The following SMYD3 variants were observed in gnomAD, a reference collection of about 807,000 sequenced individuals.
The protein encoded by SMYD3 is SET and MYND domain containing 3.
SMYD3 carries 36 observed loss-of-function variants against 57.7 expected under a neutral mutation model. The observed-to-expected ratio is 0.62, with a 90% CI of 0.48 to 0.82. The LOEUF (loss-of-function observed/expected upper bound fraction) is 0.82. SMYD3 is among the 40% of genes least tolerant of loss of function. The pLI is 0.00. For synonymous variants in SMYD3, 211 were observed against 195.0 expected, an observed-to-expected ratio of 1.08 and a Z score of -0.68; for missense variants, 515 against 538.8, an observed-to-expected ratio of 0.96 and a Z score of 0.44.
chr1:246,016,227 C>T (rs1211893084), intron 5 of SMYD3, among the ~76,000 whole-genome samples: 6 of 147,594 alleles, frequency 4.1e-5, no homozygotes, highest in South Asian at 2.2e-4. Flanking sequence ...CACAGTGAAA[C>T]CCCATCACTT....
At chr1:246,419,750 G>A (rs1219252615) in intron 1 of SMYD3, among the ~76,000 whole-genome samples, 1 of 152,208 alleles carries the variant, frequency 6.6e-6, no homozygotes, top group East Asian at 1.9e-4. Flanking sequence ...TAAGTTGCAT[G>A]CTCCTTATGA....
At chr1:246,366,756 C>T (rs2066109508) in intron 1 of SMYD3, among the ~76,000 whole-genome samples, 1 of 151,606 alleles carries the variant, frequency 6.6e-6, no homozygotes, top group Non-Finnish European at 1.5e-5. Flanking sequence ...CATGGTGAAA[C>T]CCTGTCTCTA....
chr1:245,980,109 C>T (rs1168021519), intron 5 of SMYD3, among the ~76,000 whole-genome samples: 1 of 152,216 alleles, frequency 6.6e-6, no homozygotes, highest in Non-Finnish European at 1.5e-5. Flanking sequence ...GCAGGGCACA[C>T]TGGGAAGCCT....
chr1:246,363,552 G>A (rs1394800462), intron 1 of SMYD3, among the ~76,000 whole-genome samples: 1 of 152,214 alleles, frequency 6.6e-6, no homozygotes, highest in Non-Finnish European at 1.5e-5. Context: ...AGACATGGGA[G>A]ACTTTTCATT....
At chr1:246,501,920 C>T (rs1227388995) in intron 1 of SMYD3, among the ~76,000 whole-genome samples, 1 of 152,186 alleles carries the variant, frequency 6.6e-6, no homozygotes, top group Non-Finnish European at 1.5e-5. Context: ...TTAGCAACCA[C>T]TTCCCTAGCG....
chr1:246,140,523 G>C (rs1465066063), intron 5 of SMYD3, among the ~76,000 whole-genome samples: 2 of 152,196 alleles, frequency 1.3e-5, no homozygotes, highest in African/African-American at 4.8e-5. Context: ...TGAAGGAACT[G>C]CTCCGTGGTG....
At chr1:246,092,581 C>T (rs192712025) in intron 5 of SMYD3, among the ~76,000 whole-genome samples, 1 of 152,054 alleles carries the variant, frequency 6.6e-6, no homozygotes, top group Admixed American at 6.6e-5. Context: ...GCAAGTAGAC[C>T]CCACCTCTCA....
At chr1:246,097,780 G>A (rs1411095468) in intron 5 of SMYD3, among the ~76,000 whole-genome samples, 1 of 152,120 alleles carries the variant, frequency 6.6e-6, no homozygotes, top group African/African-American at 2.4e-5. Context: ...CGGGGCCCTA[G>A]ACCTAAATCA....
intron 5 of SMYD3, among the ~76,000 whole-genome samples, chr1:245,980,643 G>A (rs142655137): frequency 1.6e-3 from 243 of 152,312 alleles, no homozygotes; most frequent in Middle Eastern, 3.4e-3. Flanking sequence ...AACCAAGGTG[G>A]AAAAAATAAT....
intron 1 of SMYD3, 65 bp downstream of exon 1, chr1:246,506,989 G>T (rs903983421): frequency 3.1e-6 from 2 of 650,598 alleles, no homozygotes; most frequent in Non-Finnish European, 4.2e-6. Context: ...GCCGCCCGAC[G>T]CCCCCCCCTC....
chr1:246,506,991 C>CCCCCCCCCCCCCCCCCCCCCCCA, intron 1 of SMYD3, 63 bp downstream of exon 1: 2 of 815,394 alleles, frequency 2.5e-6, no homozygotes, highest in Non-Finnish European at 3.3e-6. Flanking sequence ...CGCCCGACGC[C>CCCCCCCCCCCCCCCCCCCCCCCA]CCCCCCTCCC....
chr1:246,308,498 G>A (rs2065024180), intron 5 of SMYD3, among the ~76,000 whole-genome samples: 1 of 152,034 alleles, frequency 6.6e-6, no homozygotes, highest in African/African-American at 2.4e-5. Context: ...ATATCACAGT[G>A]ATATAGAGAA....
intron 10 of SMYD3, among the ~76,000 whole-genome samples, chr1:245,846,917 A>G (rs2148439103): frequency 6.6e-6 from 1 of 152,308 alleles, no homozygotes; most frequent in East Asian, 1.9e-4. Flanking sequence ...GGGCAGTGTT[A>G]TTATGATTGG....
intron 2 of SMYD3, among the ~76,000 whole-genome samples, chr1:246,353,994 TTG>T (rs2065872947): frequency 6.6e-6 from 1 of 152,112 alleles, no homozygotes; most frequent in Non-Finnish European, 1.5e-5. Flanking sequence ...AGACCACTTT[TTG>T]TGTCGTCTCA....
chr1:246,216,318 A>C (rs2063163646), intron 5 of SMYD3, among the ~76,000 whole-genome samples: 1 of 151,620 alleles, frequency 6.6e-6, no homozygotes, highest in Non-Finnish European at 1.5e-5. Flanking sequence ...AGCAGACTTC[A>C]GGAAAATGCC....
intron 1 of SMYD3, among the ~76,000 whole-genome samples, chr1:246,419,672 C>T: frequency 6.6e-6 from 1 of 152,218 alleles, no homozygotes; most frequent in Non-Finnish European, 1.5e-5. Flanking sequence ...TCCCGTATCA[C>T]AGTCAGTGGT....
chr1:246,003,097 G>C (rs1412404103), intron 5 of SMYD3, among the ~76,000 whole-genome samples: 1 of 152,232 alleles, frequency 6.6e-6, no homozygotes, highest in East Asian at 1.9e-4. Context: ...GCAGGGAAGA[G>C]ATATGATGGA....
chr1:245,984,975 T>A (rs890800165), intron 5 of SMYD3, among the ~76,000 whole-genome samples: 2 of 152,106 alleles, frequency 1.3e-5, no homozygotes, highest in African/African-American at 4.8e-5. Context: ...CGACCCCACA[T>A]GAACTTAACA....
intron 5 of SMYD3, chr1:246,109,706 C>G (rs575652581): frequency 6.6e-6 from 1 of 152,302 alleles, no homozygotes; most frequent in South Asian, 2.1e-4. Flanking sequence ...TCAATTATTA[C>G]CAAACTACTG....
Sources: gnomAD v4.1 joint callset for allele counts (sites outside exome capture counted in the v4.1 genomes callset) on GRCh38, gnomAD v4.1.1 for gene constraint, MANE v1.5 for transcripts, NCBI Gene and HGNC (gene_info 2026-07-23, HGNC 2026-07-21) for gene names.